MGA: variants seen among roughly 807,000 people sequenced by gnomAD.
MGA encodes MAX dimerization protein MGA, also known as MAX gene-associated protein.
A neutral mutation model predicts 261.1 loss-of-function variants in MGA; 40 were observed. The observed-to-expected ratio is 0.15, with a 90% CI of 0.12 to 0.20. The LOEUF (loss-of-function observed/expected upper bound fraction) is 0.20, where lower values mean the gene tolerates loss of function less well. Among genes scored for constraint, MGA ranks in the 10% least tolerant of loss-of-function variants. The pLI, the probability that MGA is intolerant of heterozygous loss-of-function variation, is 1.00. For synonymous variants in MGA, 1,302 were observed against 1,290.6 expected, an observed-to-expected ratio of 1.01 and a Z score of -0.19; for missense variants, 3,397 against 3,630.5, an observed-to-expected ratio of 0.94 and a Z score of 1.65.
chr15:41,750,266 G>A lies in MGA; in HGVS notation c.6659G>A (p.Gly2220Asp), dbSNP rs1370719012. Reference sequence around the variant, plus strand: ...TCAGATGTGTTTCAGCAAGAACAAGGCATCTCTGACTTACTTGGAAAAAGT... The same window carrying A: ...TCAGATGTGTTTCAGCAAGAACAAGACATCTCTGACTTACTTGGAAAAAGT... The change falls in exon 17 of 24, where the codon GGC becomes GAC. Residue 2220 changes from glycine (G) to aspartate (D), a missense_variant. Physicochemically the swap from Gly to Asp is moderately conservative, Grantham distance 94 (BLOSUM62 -1). Coordinates refer to ENST00000219905, the MANE Select transcript of MGA (RefSeq NM_001164273.2). The A allele has an allele frequency of 6.2e-7, 1 of 1,613,836 alleles. No individual in the cohort carries two copies. The highest frequency in any genetic ancestry group is 8.5e-7 in the Non-Finnish European group (1 of 1,179,912).
chr15:41,725,850 A>AAAT, intron 9 of MGA, among the ~76,000 whole-genome samples: 1 of 7,116 alleles, frequency 1.4e-4, no homozygotes, highest in African/African-American at 2.5e-4. Flanking sequence ...AAAAAAAAAA[A>AAAT]AAAAAATAAA....
At position 41,722,989 on chromosome 15, in the gene MGA, T is replaced by A. The variant is rs559643428; in HGVS notation, c.3431-4191T>A. Among the ~76,000 whole-genome samples the A allele has an allele frequency of 5.3e-5, 8 of 152,334 alleles. No individual in the cohort carries two copies. The South Asian group carries it at 1.7e-3, about 32-fold the overall frequency. ...TAAGTGTCATGAACAAAAGGCTTAC[T>A]GAGAAGCCAGAAGACAGAGTGATAA... On this transcript the variant is annotated intron_variant, in intron 9 of 23. Transcript: ENST00000219905.
intron 9 of MGA, among the ~76,000 whole-genome samples, chr15:41,724,442 A>C (rs1264019223): frequency 6.6e-6 from 1 of 152,232 alleles, no homozygotes; most frequent in East Asian, 1.9e-4. Context: ...GTATCTGCAA[A>C]GTCTGATACG....
intron 9 of MGA, among the ~76,000 whole-genome samples, chr15:41,720,080 T>C (rs1315614304): frequency 2.0e-5 from 3 of 152,178 alleles, no homozygotes; most frequent in African/African-American, 7.2e-5. Flanking sequence ...GCAGAACTTA[T>C]AATTTATATG....
At chr15:41,721,790 T>C (rs1275163042) in intron 9 of MGA, among the ~76,000 whole-genome samples, 1 of 152,122 alleles carries the variant, frequency 6.6e-6, no homozygotes, top group Non-Finnish European at 1.5e-5. Context: ...CTTTGGAAAA[T>C]AGTTGGGCAG....
chr15:41,691,084 G>A (rs1380548786), intron 2 of MGA, among the ~76,000 whole-genome samples: 3 of 145,878 alleles, frequency 2.1e-5, no homozygotes, highest in African/African-American at 7.6e-5. Flanking sequence ...AATCACAGAT[G>A]GAGTTTTGGT....
chr15:41,745,435 C>T (rs1341435293), intron 15 of MGA, among the ~76,000 whole-genome samples: 3 of 151,036 alleles, frequency 2.0e-5, no homozygotes, highest in African/African-American at 7.3e-5. Context: ...ATTCTGAGCA[C>T]ATGGCTTTGC....
At chr15:41,659,979 C>G (rs2057298148), upstream of MGA, among the ~76,000 whole-genome samples, 2 of 152,250 alleles carry the variant, frequency 1.3e-5, no homozygotes, top group Admixed American at 6.5e-5. Flanking sequence ...ACCTCAGATT[C>G]ATTTGACGGG....
At chr15:41,684,746 T>C (rs2058860148) in intron 2 of MGA, 2 of 165,468 alleles carry the variant, frequency 1.2e-5, no homozygotes, top group South Asian at 3.1e-4. Flanking sequence ...TAGCAAGTTA[T>C]TTAAGCATTA....
At chr15:41,700,237 G>A (rs141522994) in intron 5 of MGA, among the ~76,000 whole-genome samples, 3,519 of 151,208 alleles carry the variant, frequency 0.023, 121 homozygotes, top group African/African-American at 0.081. Flanking sequence ...TAGTAGAGAC[G>A]GGGTTTCACT....
At position 41,766,385 on chromosome 15, in the gene MGA, T is replaced by A. The variant is rs1164495327; in HGVS notation, c.8303T>A (p.Val2768Glu). 1 of 1,613,310 alleles carries A rather than the reference T, an allele frequency of 6.2e-7. No homozygotes were observed. Among genetic ancestry groups the A allele is most frequent in the South Asian group, 1.1e-5 (1 of 91,028 alleles). Residue 2768 changes from valine (V) to glutamate (E), a missense_variant, in exon 24 of 24, where the codon GTG (valine) becomes GAG (glutamate). By Grantham distance (121) the Val-to-Glu change is moderately radical. Transcript: ENST00000219905. ...GAGAGTGAATCAAGAGGGGAGAGAG[T>A]GAAGTCAAAGGATTCTTCATTTCAT...
intron 2 of MGA, among the ~76,000 whole-genome samples, chr15:41,684,928 G>A (rs950017332): frequency 1.3e-5 from 2 of 152,086 alleles, no homozygotes; most frequent in Non-Finnish European, 2.9e-5. Flanking sequence ...CTGGATTTTG[G>A]TAATGGCTAA....
chr15:41,693,133 C>T (rs899953110), intron 2 of MGA, among the ~76,000 whole-genome samples: 7 of 152,162 alleles, frequency 4.6e-5, no homozygotes, highest in African/African-American at 1.7e-4. Flanking sequence ...AGCCACCACA[C>T]CCGGCTTCTA....
chr15:41,730,434 T>C lies in MGA; in HGVS notation c.3843+1085T>C, dbSNP rs375824019. Among the ~76,000 whole-genome samples, 14 of 142,180 alleles carry C rather than the reference T, an allele frequency of 9.8e-5. No homozygotes were observed. In the South Asian group the frequency reaches 2.6e-3, roughly 27 times the overall value. 93.3% of individuals were successfully genotyped at this position (142,180 alleles called of 152,430 possible). ...AGCCTGGGCAACAAGAGCAAAACTT[T>C]GTCTCAAAAGAAAAAAAAAAATGTA... is the stretch of plus-strand genomic sequence containing the variant. On this transcript the variant is annotated intron_variant, in intron 11 of 23. Transcript: ENST00000219905.
chr15:41,735,368 G>A (rs1322110617), intron 12 of MGA, among the ~76,000 whole-genome samples: 1 of 152,204 alleles, frequency 6.6e-6, no homozygotes, highest in Non-Finnish European at 1.5e-5. Context: ...TGTAGAAATG[G>A]AGCAATCATA....
chr15:41,630,193 C>A (rs1422611175), intron 1 of MGA, among the ~76,000 whole-genome samples: 1 of 152,146 alleles, frequency 6.6e-6, no homozygotes, highest in Non-Finnish European at 1.5e-5. Flanking sequence ...AATACTCTTT[C>A]TCCTCCTGCT....
chr15:41,652,541 T>C (rs1342517162), intron 1 of MGA, among the ~76,000 whole-genome samples: 1 of 150,900 alleles, frequency 6.6e-6, no homozygotes, highest in Non-Finnish European at 1.5e-5. Flanking sequence ...ATTAAATTTT[T>C]TTTTTTTTTT....
chr15:41,762,605 C>T (rs1467032371), intron 22 of MGA, among the ~76,000 whole-genome samples: 2 of 150,802 alleles, frequency 1.3e-5, no homozygotes, highest in Admixed American at 6.7e-5. Flanking sequence ...GTAGCTGGGA[C>T]TACAGCGAGC....
At chr15:41,747,974 T>A (rs536305200) in intron 15 of MGA, among the ~76,000 whole-genome samples, 1 of 152,188 alleles carries the variant, frequency 6.6e-6, no homozygotes, top group Non-Finnish European at 1.5e-5. Context: ...TGTGCCTTAA[T>A]GACTGGGCAT....
Sources: gnomAD v4.1 joint callset for allele counts (sites outside exome capture counted in the v4.1 genomes callset) on GRCh38, gnomAD v4.1.1 for gene constraint, MANE v1.5 for transcripts, NCBI Gene and HGNC (gene_info 2026-07-23, HGNC 2026-07-21) for gene names.